LINGO2: variants seen among roughly 807,000 people sequenced by gnomAD.
The protein encoded by LINGO2 is leucine-rich repeat and immunoglobulin-like domain-containing nogo receptor-interacting protein 2.
A neutral mutation model predicts 30.6 loss-of-function variants in LINGO2; 14 were observed. The observed-to-expected ratio is 0.46, with a 90% CI of 0.30 to 0.72. LINGO2 has a LOEUF of 0.72. Among genes scored for constraint, LINGO2 ranks in the 30% least tolerant of loss-of-function variants. The pLI is 0.07. For missense variants in LINGO2, 729 were observed against 751.7 expected, an observed-to-expected ratio of 0.97 and a Z score of 0.35; for synonymous variants, 317 against 288.5, an observed-to-expected ratio of 1.10 and a Z score of -1.00.
At chr9:28,672,655 T>C (rs913411725), upstream of LINGO2, among the ~76,000 whole-genome samples, 1 of 152,184 alleles carries the variant, frequency 6.6e-6, no homozygotes, top group Non-Finnish European at 1.5e-5. Context: ...CTAAAGTGTT[T>C]ATTGAGTGTT....
chr9:28,626,020 T>C (rs1826655616), intron 1 of LINGO2, among the ~76,000 whole-genome samples: 1 of 151,744 alleles, frequency 6.6e-6, no homozygotes, highest in Admixed American at 6.6e-5. Flanking sequence ...CAAAAAAAAC[T>C]ACAAATTGTC....
chr9:28,105,738 CTT>C lies in LINGO2; in HGVS notation c.-86-93335_-86-93334del, dbSNP rs527966599. Reference sequence around the variant, plus strand: ...TGTCTCACTCTCTCTCTCTCTCTCTCTTTCTCTCCCCACACACATGCACTGAA... The same window carrying C: ...TGTCTCACTCTCTCTCTCTCTCTCTCTCTCTCCCCACACACATGCACTGAA... On this transcript the variant is annotated intron_variant, in intron 4 of 5. Transcript: ENST00000379992. Among the ~76,000 whole-genome samples, 9 of 152,134 alleles carry C rather than the reference CTT, an allele frequency of 5.9e-5. No individual in the cohort carries two copies. The South Asian group carries it at 1.7e-3, about 28-fold the overall frequency.
At chr9:28,591,079 G>A (rs373449497) in intron 1 of LINGO2, among the ~76,000 whole-genome samples, 1 of 151,062 alleles carries the variant, frequency 6.6e-6, no homozygotes, top group Admixed American at 6.6e-5. Context: ...AACACCGCAT[G>A]TTCTCACTCA....
At chr9:28,361,922 A>T (rs1223999485) in intron 3 of LINGO2, among the ~76,000 whole-genome samples, 2 of 152,234 alleles carry the variant, frequency 1.3e-5, no homozygotes, top group African/African-American at 4.8e-5. Context: ...AAGGTCACAC[A>T]GATAGTAACT....
the LINGO2 span, among the ~76,000 whole-genome samples, chr9:28,762,084 C>T: frequency 1.3e-5 from 2 of 152,018 alleles, no homozygotes; most frequent in African/African-American, 4.8e-5. Context: ...ATTTCCCTAA[C>T]ACATATCACT....
At chr9:28,366,272 C>T (rs1371619312) in intron 3 of LINGO2, among the ~76,000 whole-genome samples, 1 of 152,162 alleles carries the variant, frequency 6.6e-6, no homozygotes, top group Non-Finnish European at 1.5e-5. Flanking sequence ...ACTTATTCAT[C>T]ACTTGCATTA....
chr9:28,094,679 T>C (rs781386902), intron 4 of LINGO2, among the ~76,000 whole-genome samples: 8 of 152,136 alleles, frequency 5.3e-5, no homozygotes, highest in Non-Finnish European at 8.8e-5. Flanking sequence ...GAGCAAATAC[T>C]AGTGTACTTA....
the LINGO2 span, among the ~76,000 whole-genome samples, chr9:28,876,347 C>G: frequency 2.7e-4 from 41 of 151,550 alleles, no homozygotes; most frequent in Admixed American, 1.2e-3. Flanking sequence ...TGTGCTGCAC[C>G]CATTAACTCC....
the LINGO2 span, among the ~76,000 whole-genome samples, chr9:28,813,020 A>G: frequency 2.0e-5 from 3 of 151,934 alleles, no homozygotes; most frequent in Non-Finnish European, 2.9e-5. Flanking sequence ...AAACAGAGTC[A>G]TAAGTAACTA....
intron 2 of LINGO2, among the ~76,000 whole-genome samples, chr9:28,400,744 T>C (rs1348647071): frequency 6.6e-6 from 1 of 152,166 alleles, no homozygotes; most frequent in African/African-American, 2.4e-5. Flanking sequence ...AACTTAAAGC[T>C]TAATGCAGGT....
chr9:29,070,016 A>G, the LINGO2 span, among the ~76,000 whole-genome samples: 459 of 152,196 alleles, frequency 3.0e-3, 2 homozygotes, highest in African/African-American at 0.011. Flanking sequence ...TTTTCAATGA[A>G]TTGCACTCAT....
intron 4 of LINGO2, among the ~76,000 whole-genome samples, chr9:28,209,802 C>A (rs35643424): frequency 0.16 from 23,903 of 151,338 alleles, 2,021 homozygotes; most frequent in Middle Eastern, 0.21. Flanking sequence ...AGATAATGGA[C>A]ATATTTCAGT....
chr9:28,053,691 C>T (rs563188919), intron 4 of LINGO2, among the ~76,000 whole-genome samples: 3 of 152,124 alleles, frequency 2.0e-5, no homozygotes, highest in African/African-American at 4.8e-5. Flanking sequence ...GTCGAGGCCT[C>T]ATCATGAAAT....
At chr9:28,310,047 T>C (rs1412013863) in intron 3 of LINGO2, among the ~76,000 whole-genome samples, 2 of 152,178 alleles carry the variant, frequency 1.3e-5, no homozygotes, top group African/African-American at 4.8e-5. Flanking sequence ...TTTTATACAG[T>C]GCTGGTAGGA....
At chr9:29,049,535 T>A in the LINGO2 span, among the ~76,000 whole-genome samples, 1 of 152,142 alleles carries the variant, frequency 6.6e-6, no homozygotes, top group African/African-American at 2.4e-5. Context: ...CAACTAAGAT[T>A]TGGAAGCAAC....
the LINGO2 span, among the ~76,000 whole-genome samples, chr9:29,001,843 C>A: frequency 6.6e-6 from 1 of 151,890 alleles, no homozygotes; most frequent in African/African-American, 2.4e-5. Flanking sequence ...TCCTTGGCAA[C>A]CTCAAATAGC....
At chr9:28,964,772 T>C in the LINGO2 span, among the ~76,000 whole-genome samples, 13 of 151,992 alleles carry the variant, frequency 8.6e-5, no homozygotes, top group African/African-American at 2.9e-4. Flanking sequence ...AGTTTTGGTA[T>C]AATCCCTAGG....
chr9:28,258,318 G>A (rs1822449162), intron 4 of LINGO2, among the ~76,000 whole-genome samples: 1 of 151,856 alleles, frequency 6.6e-6, no homozygotes, highest in African/African-American at 2.4e-5. Flanking sequence ...CATCCTAAGA[G>A]AAAACTACCC....
chr9:28,136,871 G>T (rs577999019), intron 4 of LINGO2, among the ~76,000 whole-genome samples: 5 of 152,170 alleles, frequency 3.3e-5, no homozygotes, highest in African/African-American at 1.2e-4. Flanking sequence ...GCTCTCCCCA[G>T]TGTGGGTGGC....
Sources: allele counts gnomAD v4.1 joint callset (sites outside exome capture counted in the v4.1 genomes callset), GRCh38; gene constraint gnomAD v4.1.1; transcripts MANE v1.5; gene names NCBI Gene and HGNC (gene_info 2026-07-23, HGNC 2026-07-21).